Variants in NT5E observed in about 807,000 individuals in gnomAD.
NT5E encodes 5'-nucleotidase.
In NT5E, 53 loss-of-function variants were observed where a neutral mutation model predicts 55.1. The observed-to-expected ratio is 0.96, with a 90% CI of 0.77 to 1.21. The LOEUF (loss-of-function observed/expected upper bound fraction) is 1.21. Among genes scored for constraint, NT5E ranks in the 50% most tolerant of loss-of-function variants. The pLI, the probability that NT5E is intolerant of heterozygous loss-of-function variation, is 0.00. For synonymous variants in NT5E, 270 were observed against 278.4 expected (o/e 0.97, Z 0.30); for missense variants, 683 against 724.3 (o/e 0.94, Z 0.65).
chr6:85,465,231 C>T (rs1045876440), intron 1 of NT5E, among the ~76,000 whole-genome samples: 4 of 152,122 alleles, frequency 2.6e-5, no homozygotes, highest in African/African-American at 9.7e-5. Context: ...GAGAAGGCAT[C>T]AAACAAATAA....
At position 85,471,318 on chromosome 6, in the gene NT5E, T is replaced by C. The variant is rs1284584696; in HGVS notation, c.644T>C (p.Ile215Thr). Residue 215 changes from isoleucine to threonine, a missense_variant, in exon 3 of 9, where the codon ATT becomes ACT. By Grantham distance (89) the Ile-to-Thr change is moderately conservative. Coordinates refer to ENST00000257770, the MANE Select transcript of NT5E (RefSeq NM_002526.4). ...DKLKTLNVNK[I>T]IALGHSGFEM... ...TTAAAAACTCTAAATGTGAACAAAATTATTGCACTGGGACATTCGGGTTTT... is the reference window on the plus strand; with the variant it reads ...TTAAAAACTCTAAATGTGAACAAAACTATTGCACTGGGACATTCGGGTTTT... 1 of 1,613,050 alleles carries C rather than the reference T, an allele frequency of 6.2e-7. No individual in the cohort carries two copies. The highest frequency in any genetic ancestry group is 2.2e-5 in the East Asian group (1 of 44,848).
At position 85,484,952 on chromosome 6, in the gene NT5E, C is replaced by T. The variant is rs148752557; in HGVS notation, c.752-283C>T. On this transcript the variant is annotated intron_variant, in intron 3 of 8. Coordinates refer to ENST00000257770, the MANE Select transcript of NT5E (RefSeq NM_002526.4). ...CAGTGAACCTGGAGGATACTCTTCA[C>T]GGCGTTCCATCTTTGTGTGCCCCAC... Among the ~76,000 whole-genome samples, 397 of 152,314 alleles carry T rather than the reference C, an allele frequency of 2.6e-3. 2 individuals carry two copies. The highest frequency in any genetic ancestry group is 8.5e-3 in the African/African-American group (352 of 41,582).
chr6:85,471,336 C>T lies in NT5E; in HGVS notation c.662C>T (p.Ser221Leu), dbSNP rs373328681. Reference sequence around the variant, plus strand: ...AACAAAATTATTGCACTGGGACATTCGGGTTTTGAAATGGATAAACTCATC... The same window carrying T: ...AACAAAATTATTGCACTGGGACATTTGGGTTTTGAAATGGATAAACTCATC... Reference protein sequence around the residue: ...NVNKIIALGHSGFEMDKLIAQ... With the variant: ...NVNKIIALGHLGFEMDKLIAQ... Residue 221 changes from serine (S) to leucine (L), a missense_variant, in exon 3 of 9, where the codon TCG (serine) becomes TTG (leucine). Physicochemically the swap from Ser to Leu is moderately radical, Grantham distance 145. Coordinates refer to ENST00000257770, the MANE Select transcript of NT5E (RefSeq NM_002526.4). 6 of 1,613,030 alleles carry T rather than the reference C, an allele frequency of 3.7e-6. No homozygotes were observed. The highest frequency in any genetic ancestry group is 5.1e-6 in the Non-Finnish European group (6 of 1,179,316).
chr6:85,494,216 T>A lies in NT5E; in HGVS notation c.*212T>A. 1 of 564,290 alleles carries A rather than the reference T, an allele frequency of 1.8e-6. No homozygotes were observed. Among genetic ancestry groups the A allele is most frequent in the Non-Finnish European group, 3.1e-6 (1 of 319,724 alleles). 35.0% of individuals were successfully genotyped at this position (564,290 alleles called of 1,614,324 possible). On this transcript the variant is annotated 3_prime_UTR_variant, in exon 9 of 9. Coordinates refer to ENST00000257770, the MANE Select transcript of NT5E (RefSeq NM_002526.4). ...GAAAAAAAATTAACATAGGGCCCTA[T>A]AAGGAGAAAGCCAACTATGTTAAGT...
At chr6:85,470,576 A>C (rs964998574) in intron 2 of NT5E, among the ~76,000 whole-genome samples, 1 of 152,042 alleles carries the variant, frequency 6.6e-6, no homozygotes, top group Non-Finnish European at 1.5e-5. Context: ...TCAGCCTTCC[A>C]AGTACCTGGC....
intron 3 of NT5E, among the ~76,000 whole-genome samples, chr6:85,476,653 A>T (rs1002685932): frequency 1.3e-5 from 2 of 152,134 alleles, no homozygotes; most frequent in African/African-American, 4.8e-5. Flanking sequence ...GAAGATGGTG[A>T]ATGTGGAGAA....
At chr6:85,476,773 G>A (rs572070243) in intron 3 of NT5E, among the ~76,000 whole-genome samples, 1 of 152,106 alleles carries the variant, frequency 6.6e-6, no homozygotes, top group Non-Finnish European at 1.5e-5. Context: ...ACTCTTCTCC[G>A]AGGTCCTACC....
In NT5E at chr6:85,450,350, A is replaced by G. The variant is rs779897975; in HGVS notation, c.211A>G (p.Ile71Val). Residue 71 changes from isoleucine (I) to valine (V), a missense_variant, in exon 1 of 9, where the codon ATC becomes GTC. Physicochemically the swap from Ile to Val is conservative, Grantham distance 29. Coordinates refer to ENST00000257770, the MANE Select transcript of NT5E (RefSeq NM_002526.4). This position sits in a 1 kb window ranked among gnomAD's most constrained non-coding sequence, Gnocchi z 4.0. ...VARLFTKVQQ[I>V]RRAEPNVLLL... ...TCGGCTCTTCACCAAGGTTCAGCAG[A>G]TCCGCCGCGCCGAACCCAACGTGCT... The G allele has an allele frequency of 4.4e-6, 7 of 1,594,598 alleles. No individual in the cohort carries two copies. In the Admixed American group the frequency reaches 1.2e-4, roughly 28 times the overall value.
intron 7 of NT5E, chr6:85,491,245 A>G (rs1174706112): frequency 2.8e-6 from 1 of 361,684 alleles, no homozygotes; most frequent in African/African-American, 2.2e-5. Flanking sequence ...TAAATTGCCA[A>G]GGGCTTCTGA....
rs777795580 is a variant in NT5E, at chr6:85,494,739, G to C, written c.*735G>C. On this transcript the variant is annotated 3_prime_UTR_variant, in exon 9 of 9. Transcript: ENST00000257770. ...TCTCTTGCAACACCCATGTGCCTTTGATGAGTCAGGTAGCAAGCTGTAGTA... is the reference window on the plus strand; with the variant it reads ...TCTCTTGCAACACCCATGTGCCTTTCATGAGTCAGGTAGCAAGCTGTAGTA... 6.6e-6 allele frequency: 1 copy of C among 152,236 alleles called. No individual in the cohort carries two copies. The highest frequency in any genetic ancestry group is 2.1e-4 in the South Asian group (1 of 4,828). The allele number at this position is 152,236 out of a possible 1,614,324, so 9.4% of individuals were successfully genotyped here.
rs141663781 is a variant in NT5E, at chr6:85,478,269, A to T, written c.751+6844A>T. On this transcript the variant is annotated intron_variant, in intron 3 of 8. Transcript: ENST00000257770. The stretch of plus-strand genomic sequence containing the variant: ...AAACTGCTTTCCAAGATGAAGTGAG[A>T]CTATCCGAAACCAAAATCTAAAAAG... 7.9e-5 allele frequency among the ~76,000 whole-genome samples: 12 copies of T among 152,292 alleles called. No homozygotes were observed. In the East Asian group the frequency reaches 2.1e-3, roughly 27 times the overall value.
chr6:85,453,147 C>T (rs1768922026), intron 1 of NT5E, among the ~76,000 whole-genome samples: 1 of 152,126 alleles, frequency 6.6e-6, no homozygotes, highest in Non-Finnish European at 1.5e-5. Context: ...GCAAAACTCT[C>T]CAGTTAGTGT....
Position 85,487,476 on chromosome 6 carries a change from T to C in NT5E, c.1091T>C (p.Ile364Thr), listed in dbSNP as rs1434571984. 3 of 1,614,170 alleles carry C rather than the reference T, an allele frequency of 1.9e-6. No individual in the cohort carries two copies. The highest frequency in any genetic ancestry group is 2.5e-6 in the Non-Finnish European group (3 of 1,180,020). Reference protein sequence around the residue: ...RFRECNMGNLICDAMINNNLR... With the variant: ...RFRECNMGNLTCDAMINNNLR... ...AGAGAATGCAACATGGGCAACCTGA[T>C]TTGTGATGCAATGGTAAGTCATCAG... Residue 364 changes from isoleucine (I) to threonine (T), a missense_variant, in exon 5 of 9, where the codon ATT (isoleucine) becomes ACT (threonine). Physicochemically the swap from Ile to Thr is moderately conservative, Grantham distance 89 (BLOSUM62 -1). Transcript: ENST00000257770.
chr6:85,463,723 T>G (rs1483847303), intron 1 of NT5E, among the ~76,000 whole-genome samples: 1 of 152,178 alleles, frequency 6.6e-6, no homozygotes, highest in Non-Finnish European at 1.5e-5. Context: ...ATTTTTTGAG[T>G]GCCTGCAGTA....
intron 1 of NT5E, among the ~76,000 whole-genome samples, chr6:85,455,769 A>T (rs1319973628): frequency 6.6e-6 from 1 of 152,156 alleles, no homozygotes; most frequent in Non-Finnish European, 1.5e-5. Flanking sequence ...ATGTCTTGAG[A>T]TAGTATCAGA....
chr6:85,479,451 G>T (rs1381930534), intron 3 of NT5E, among the ~76,000 whole-genome samples: 2 of 152,142 alleles, frequency 1.3e-5, no homozygotes, highest in Admixed American at 6.5e-5. Flanking sequence ...CATTCCAGAT[G>T]ACCTCCAGGT....
chr6:85,490,426 C>G, intron 6 of NT5E, 82 bp from the exon 7 acceptor site: 1 of 1,504,580 alleles, frequency 6.6e-7, no homozygotes, highest in Non-Finnish European at 9.2e-7. Flanking sequence ...CATTTCTTCC[C>G]CCAGCGCTGA....
chr6:85,475,268 A>G lies in NT5E; in HGVS notation c.751+3843A>G, dbSNP rs1366893843. Among the ~76,000 whole-genome samples the G allele has an allele frequency of 3.3e-5, 5 of 152,322 alleles. No individual in the cohort carries two copies. The East Asian group carries it at 7.7e-4, about 24-fold the overall frequency. Reference sequence around the variant, plus strand: ...TTCTGTTCTGTTATTTGAGTTTTTAAATGCTGGTTACCACCCATTATATTA... The same window carrying G: ...TTCTGTTCTGTTATTTGAGTTTTTAGATGCTGGTTACCACCCATTATATTA... On this transcript the variant is annotated intron_variant, in intron 3 of 8. Transcript: ENST00000257770.
chr6:85,487,595 AT>A, intron 5 of NT5E, 106 bp downstream of exon 5: 1 of 1,446,218 alleles, frequency 6.9e-7, no homozygotes, highest in Non-Finnish European at 9.7e-7. Flanking sequence ...AGAATGAGGG[AT>A]TTCAAAACAT....
Sources: gnomAD v4.1 joint callset for allele counts (sites outside exome capture counted in the v4.1 genomes callset) on GRCh38, gnomAD v4.1.1 for gene constraint, Gnocchi (gnomAD v3.1) non-coding constraint, MANE v1.5 for transcripts, NCBI Gene and HGNC (gene_info 2026-07-23, HGNC 2026-07-21) for gene names.